EMC4: variants seen among roughly 807,000 people sequenced by gnomAD.
The protein encoded by EMC4 is cell proliferation-inducing gene 17 protein.
EMC4 carries 9 observed loss-of-function variants against 24.2 expected under a neutral mutation model. That is an observed-to-expected ratio of 0.37 (90% CI 0.22 to 0.65). The LOEUF is 0.65. EMC4 is among the 30% of genes least tolerant of loss of function. EMC4 has a pLI of 0.59. For synonymous variants in EMC4, 86 were observed against 81.1 expected (o/e 1.06, Z -0.32); for missense variants, 169 against 234.6 (o/e 0.72, Z 1.83).
chr15:34,226,407 T>A (rs1890651664), intron 2 of EMC4: 5 of 152,990 alleles, frequency 3.3e-5, no homozygotes, highest in Admixed American at 1.9e-4. Context: ...ATTGATTTTT[T>A]AAAAATTATT....
Position 34,229,802 on chromosome 15 carries a change from G to A in EMC4, c.*14G>A, listed in dbSNP as rs1890796591. The stretch of plus-strand genomic sequence containing the variant: ...CTGCTTTTGTGAACATGAGAAAGCA[G>A]CGCCTGGTCCCTATGTATTTGGGTC... On this transcript the variant is annotated 3_prime_UTR_variant, in exon 5 of 5. Transcript: ENST00000267750. The A allele has an allele frequency of 6.2e-7, 1 of 1,612,548 alleles. No individual in the cohort carries two copies. The highest frequency in any genetic ancestry group is 1.1e-5 in the South Asian group (1 of 90,972).
chr15:34,229,842 C>T lies in EMC4; in HGVS notation c.*54C>T. ...GTATTTGGGTCTTATTTACATCCTT[C>T]TTTAAGCCCAGTGGCTCCTCAGCAT... On this transcript the variant is annotated 3_prime_UTR_variant, in exon 5 of 5. Coordinates refer to ENST00000267750, the MANE Select transcript of EMC4 (RefSeq NM_016454.4). 6.3e-7 allele frequency: 1 copy of T among 1,586,182 alleles called. No individual in the cohort carries two copies. Among genetic ancestry groups the T allele is most frequent in the Non-Finnish European group, 8.7e-7 (1 of 1,154,628 alleles).
Position 34,228,410 on chromosome 15 carries a change from A to G in EMC4, c.356-19A>G, listed in dbSNP as rs755678320. 4.3e-6 allele frequency: 7 copies of G among 1,611,410 alleles called. No individual in the cohort carries two copies. The highest frequency in any genetic ancestry group is 1.7e-5 in the Admixed American group (1 of 59,306). On this transcript the variant is annotated intron_variant, in intron 3 of 4. Transcript: ENST00000267750. Reference sequence around the variant, plus strand: ...GGGAAAGAGTTCTTTTGGTTTGACAACTTCTGTTACCGCAACAGCTTTCAA... The same window carrying G: ...GGGAAAGAGTTCTTTTGGTTTGACAGCTTCTGTTACCGCAACAGCTTTCAA...
At chr15:34,225,672 C>T (rs1298640495) in intron 2 of EMC4, 22 bp downstream of exon 2, 3 of 1,576,712 alleles carry the variant, frequency 1.9e-6, no homozygotes, top group East Asian at 2.2e-5. Flanking sequence ...TAGATGTTAC[C>T]GTAGCCCATG....
chr15:34,228,342 T>G, intron 3 of EMC4, 87 bp from the exon 4 acceptor site: 1 of 1,396,424 alleles, frequency 7.2e-7, no homozygotes. Context: ...ACTATGGGTC[T>G]GTCTATATGA....
At chr15:34,225,445 A>G (rs1470173824) in intron 1 of EMC4, 91 bp from the exon 2 acceptor site, 2 of 1,036,032 alleles carry the variant, frequency 1.9e-6, no homozygotes, top group Non-Finnish European at 3.0e-6. Context: ...GGTGCATCTG[A>G]AGATCTTTAT....
chr15:34,228,274 G>C, intron 3 of EMC4, 155 bp from the exon 4 acceptor site: 1 of 686,798 alleles, frequency 1.5e-6, no homozygotes, highest in Non-Finnish European at 2.4e-6. Flanking sequence ...GGCATGGAGG[G>C]GAGTGTAGTG....
In EMC4 at chr15:34,225,138, G is replaced by T; in HGVS notation, c.24G>T (p.Val8=). 1 of 1,551,694 alleles carries T rather than the reference G, an allele frequency of 6.4e-7. No individual in the cohort carries two copies. Among genetic ancestry groups the T allele is most frequent in the Non-Finnish European group, 8.7e-7 (1 of 1,146,988 alleles). ...CCATGACGGCCCAGGGGGGCCTGGT[G>T]GCTAACCGAGGCCGGCGCTTCAAGT... The part of the protein sequence containing the change: MTAQGGL[V]ANRGRRFKWA... The change falls in exon 1 of 5, where the codon GTG becomes GTT. Residue 8 remains valine, a synonymous_variant. Transcript: ENST00000267750.
chr15:34,230,012 A>C lies in EMC4; in HGVS notation c.*224A>C. ...ACCCAAGGCTGAAAATAATGTAGAA[A>C]ACTTTATTTTTGTTTCCAGTACAGA... On this transcript the variant is annotated 3_prime_UTR_variant, in exon 5 of 5. Coordinates refer to ENST00000267750, the MANE Select transcript of EMC4 (RefSeq NM_016454.4). 3.5e-6 allele frequency: 2 copies of C among 576,234 alleles called. No individual in the cohort carries two copies. Among genetic ancestry groups the C allele is most frequent in the Non-Finnish European group, 6.1e-6 (2 of 328,604 alleles). 35.7% of individuals were successfully genotyped at this position (576,234 alleles called of 1,614,324 possible).
chr15:34,226,037 A>G (rs1245306921), intron 2 of EMC4: 3 of 348,736 alleles, frequency 8.6e-6, no homozygotes, highest in African/African-American at 4.3e-5. Flanking sequence ...CTTCATCTAG[A>G]TTTCTGCAGT....
intron 2 of EMC4, chr15:34,227,488 T>C (rs752589540): frequency 1.2e-5 from 6 of 489,244 alleles, no homozygotes; most frequent in Non-Finnish European, 2.2e-5. Context: ...GGGAAAGGCA[T>C]AACAGATGGT....
At chr15:34,225,500 A>C in intron 1 of EMC4, 36 bp from the exon 2 acceptor site, 2 of 1,446,584 alleles carry the variant, frequency 1.4e-6, no homozygotes, top group Non-Finnish European at 1.9e-6. Context: ...GAAGTATCGG[A>C]GGTTGCAGCT....
intron 4 of EMC4, 99 bp downstream of exon 4, chr15:34,228,688 T>C: frequency 2.4e-5 from 2 of 84,240 alleles, no homozygotes; most frequent in Non-Finnish European, 3.7e-5. Context: ...TTGAGTTTCT[T>C]TTTTTTTTTT....
chr15:34,225,939 A>G (rs1890640958), intron 2 of EMC4: 1 of 415,442 alleles, frequency 2.4e-6, no homozygotes. Context: ...GTTCCCTTAC[A>G]CCACATATCC....
chr15:34,229,879 A>AATC lies in EMC4; in HGVS notation c.*93_*95dup. The stretch of plus-strand genomic sequence containing the variant: ...TGGCTCCTCAGCATACTCTTAAACT[A>AATC]ATCACTTATGTTAAAAAGAACCAAA... On this transcript the variant is annotated 3_prime_UTR_variant, in exon 5 of 5. Coordinates refer to ENST00000267750, the MANE Select transcript of EMC4 (RefSeq NM_016454.4). 8.3e-7 allele frequency: 1 copy of AATC among 1,210,678 alleles called. No homozygotes were observed. Among genetic ancestry groups the AATC allele is most frequent in the Non-Finnish European group, 1.2e-6 (1 of 815,548 alleles). The allele number at this position is 1,210,678 out of a possible 1,614,324, so 75.0% of individuals were successfully genotyped here. A position where few individuals can be genotyped will look rare whatever the true frequency, so the allele number is the denominator to read the frequency against.
At chr15:34,228,244 G>A in intron 3 of EMC4, 185 bp from the exon 4 acceptor site, 1 of 614,480 alleles carries the variant, frequency 1.6e-6, no homozygotes, top group Non-Finnish European at 2.8e-6. Flanking sequence ...AGGTATATAG[G>A]GGAGTGGGGT....
chr15:34,226,121 A>T (rs530973942), intron 2 of EMC4: 11 of 286,388 alleles, frequency 3.8e-5, no homozygotes, highest in Non-Finnish European at 6.2e-5. Flanking sequence ...TGAACTCCTG[A>T]CCTCAGGTGA....
intron 3 of EMC4, chr15:34,228,065 C>A: frequency 2.1e-6 from 1 of 480,710 alleles, no homozygotes; most frequent in Non-Finnish European, 3.8e-6. Flanking sequence ...CGCCTGTAAT[C>A]CCAGCTGCTT....
chr15:34,225,629 A>T lies in EMC4; in HGVS notation c.180A>T (p.Thr60=). 1 of 1,614,064 alleles carries T rather than the reference A, an allele frequency of 6.2e-7. No homozygotes were observed. The highest frequency in any genetic ancestry group is 8.5e-7 in the Non-Finnish European group (1 of 1,179,912). The change falls in exon 2 of 5, where the codon ACA becomes ACT. Residue 60 remains threonine, a synonymous_variant. Coordinates refer to ENST00000267750, the MANE Select transcript of EMC4 (RefSeq NM_016454.4). ...TGCCTGATACCAGCGTGCAAGAGAC[A>T]GACCGGATCCTGGTGGAGAAGGTAC... ...KQVPDTSVQE[T]DRILVEKRCW... is the part of the protein sequence containing the mutation.
Sources: gnomAD v4.1 joint callset for allele counts on GRCh38, gnomAD v4.1.1 for gene constraint, MANE v1.5 for transcripts, NCBI Gene and HGNC (gene_info 2026-07-23, HGNC 2026-07-21) for gene names.